The following BLTP3A variants were observed in gnomAD, a reference collection of about 807,000 sequenced individuals.
BLTP3A encodes ICBP90 binding protein 1.
the BLTP3A span, among the ~76,000 whole-genome samples, chr6:34,809,150 T>A: frequency 6.6e-6 from 1 of 152,140 alleles, no homozygotes; most frequent in Non-Finnish European, 1.5e-5. Flanking sequence ...TCCAGCACTT[T>A]GGAAGGCTGA....
At chr6:34,868,757 G>A in the BLTP3A span, among the ~76,000 whole-genome samples, 39 of 151,076 alleles carry the variant, frequency 2.6e-4, no homozygotes, top group Admixed American at 9.2e-4. Context: ...TCGGTGTGGC[G>A]GTGCGTGCCT....
At chr6:34,813,830 C>T in the BLTP3A span, among the ~76,000 whole-genome samples, 1 of 152,046 alleles carries the variant, frequency 6.6e-6, no homozygotes, top group Non-Finnish European at 1.5e-5. Context: ...GCAGTTTAAC[C>T]CAGTTGTATT....
chr6:34,795,564 A>ATT, the BLTP3A span, among the ~76,000 whole-genome samples: 92 of 122,416 alleles, frequency 7.5e-4, no homozygotes, highest in East Asian at 9.9e-4. Context: ...CACCCGGCTG[A>ATT]TTTTTTTTTT....
At chr6:34,822,593 G>A in the BLTP3A span, among the ~76,000 whole-genome samples, 1 of 152,070 alleles carries the variant, frequency 6.6e-6, no homozygotes, top group Non-Finnish European at 1.5e-5. Context: ...GCCGGGTGCG[G>A]TGCTGTAATG....
chr6:34,795,388 G>GT, the BLTP3A span, among the ~76,000 whole-genome samples: 4 of 146,482 alleles, frequency 2.7e-5, no homozygotes, highest in African/African-American at 5.1e-5. Context: ...TGAACATACA[G>GT]TTTTTTTTGT....
the BLTP3A span, chr6:34,859,668 G>A: frequency 3.9e-6 from 6 of 1,537,010 alleles, no homozygotes; most frequent in Non-Finnish European, 5.3e-6. Flanking sequence ...TCTAGATTGG[G>A]AAGTACCATA....
chr6:34,837,969 G>A, the BLTP3A span, among the ~76,000 whole-genome samples: 17 of 152,074 alleles, frequency 1.1e-4, no homozygotes, highest in African/African-American at 3.4e-4. Flanking sequence ...TCATCCTGTC[G>A]CTTGATAAGG....
the BLTP3A span, chr6:34,863,998 A>G: frequency 6.4e-7 from 1 of 1,573,394 alleles, no homozygotes; most frequent in Non-Finnish European, 8.6e-7. Context: ...TTTTTTTTAA[A>G]CAGGGAGCCC....
chr6:34,853,000 C>T, the BLTP3A span, among the ~76,000 whole-genome samples: 3 of 152,192 alleles, frequency 2.0e-5, no homozygotes, highest in Non-Finnish European at 4.4e-5. Flanking sequence ...CCCAAGCACA[C>T]GGATTCTGTC....
chr6:34,855,552 C>G, the BLTP3A span: 11 of 1,582,644 alleles, frequency 7.0e-6, no homozygotes, highest in Non-Finnish European at 9.5e-6. Context: ...CTTCTGCATG[C>G]TTTAGGTGGT....
chr6:34,872,496 C>T, the BLTP3A span: 1 of 1,556,876 alleles, frequency 6.4e-7, no homozygotes, highest in Non-Finnish European at 8.6e-7. Flanking sequence ...AATAGCACCA[C>T]CTAGGACAGA....
chr6:34,870,899 G>C, the BLTP3A span: 1 of 1,614,200 alleles, frequency 6.2e-7, no homozygotes, highest in South Asian at 1.1e-5. Flanking sequence ...GGCCACATCA[G>C]GCCAGCTGTG....
the BLTP3A span, among the ~76,000 whole-genome samples, chr6:34,817,173 G>A: frequency 6.6e-6 from 1 of 152,106 alleles, no homozygotes; most frequent in Admixed American, 6.6e-5. Context: ...ATTTAGATGA[G>A]TTTATTTCTC....
chr6:34,815,149 A>G, the BLTP3A span, among the ~76,000 whole-genome samples: 2 of 152,238 alleles, frequency 1.3e-5, no homozygotes, highest in African/African-American at 4.8e-5. Flanking sequence ...GCCTGGTGCA[A>G]AGTAAAATGT....
chr6:34,875,551 T>C, the BLTP3A span: 1 of 152,106 alleles, frequency 6.6e-6, no homozygotes, highest in Non-Finnish European at 1.5e-5. Context: ...TAAAAACATA[T>C]CCAGTAAGTA....
the BLTP3A span, among the ~76,000 whole-genome samples, chr6:34,829,006 G>T: frequency 7.8e-6 from 1 of 128,566 alleles, no homozygotes; most frequent in African/African-American, 2.9e-5. Context: ...CAGCCTGGGC[G>T]ACAAGAGTGA....
the BLTP3A span, among the ~76,000 whole-genome samples, chr6:34,810,293 C>G: frequency 6.6e-6 from 1 of 152,160 alleles, no homozygotes; most frequent in Non-Finnish European, 1.5e-5. Flanking sequence ...ACAAGAAACA[C>G]AAGAGACCAC....
At chr6:34,831,288 C>G in the BLTP3A span, among the ~76,000 whole-genome samples, 1 of 152,008 alleles carries the variant, frequency 6.6e-6, no homozygotes, top group Non-Finnish European at 1.5e-5. Context: ...CCACCACGCC[C>G]AGCTAATTTT....
At chr6:34,870,799 C>T in the BLTP3A span, 1 of 1,588,448 alleles carries the variant, frequency 6.3e-7, no homozygotes. Context: ...ATATAAGGTG[C>T]CTAGAAGACT....
Sources: allele counts gnomAD v4.1 joint callset (sites outside exome capture counted in the v4.1 genomes callset), GRCh38; gene constraint gnomAD v4.1.1; transcripts MANE v1.5; gene names NCBI Gene and HGNC (gene_info 2026-07-23, HGNC 2026-07-21).